The following AKAP6 variants were observed in gnomAD, a reference collection of about 807,000 sequenced individuals.
The protein encoded by AKAP6 is A-kinase anchor protein 6.
In AKAP6, 58 loss-of-function variants were observed where a neutral mutation model predicts 188.5. The observed-to-expected ratio is 0.31, with a 90% CI of 0.25 to 0.38. The LOEUF (loss-of-function observed/expected upper bound fraction) is 0.38, where lower values mean the gene tolerates loss of function less well. Among genes scored for constraint, AKAP6 ranks in the 10% least tolerant of loss-of-function variants. The probability of loss-of-function intolerance (pLI) is 1.00; values close to 1 mark genes in which losing one functional copy is unlikely to be tolerated. For synonymous variants in AKAP6, 989 were observed against 998.6 expected (o/e 0.99, Z 0.18); for missense variants, 2,710 against 2,740.0 (o/e 0.99, Z 0.24).
chr14:32,386,534 A>AT (rs904687450), intron 1 of AKAP6, among the ~76,000 whole-genome samples: 17 of 151,942 alleles, frequency 1.1e-4, no homozygotes, highest in Non-Finnish European at 1.6e-4. Context: ...GATTGTGAAG[A>AT]TTTTTTTCCC....
chr14:32,411,158 G>A (rs1247495578), intron 1 of AKAP6, among the ~76,000 whole-genome samples: 1 of 152,000 alleles, frequency 6.6e-6, no homozygotes, highest in African/African-American at 2.4e-5. Context: ...AATGAGTAGA[G>A]GCCACAGGTA....
chr14:32,744,050 T>A (rs561260185), intron 11 of AKAP6, among the ~76,000 whole-genome samples: 71 of 152,318 alleles, frequency 4.7e-4, no homozygotes, highest in African/African-American at 1.6e-3. Flanking sequence ...TTGCCAGATA[T>A]ACTATTCTAG....
intron 7 of AKAP6, among the ~76,000 whole-genome samples, chr14:32,601,823 A>G (rs1161545372): frequency 1.3e-5 from 2 of 152,204 alleles, no homozygotes; most frequent in East Asian, 1.9e-4. Context: ...AAATGCAGGC[A>G]GAGGAGAAAC....
intron 12 of AKAP6, among the ~76,000 whole-genome samples, chr14:32,791,620 TTTAA>T (rs1405818613): frequency 6.6e-6 from 1 of 152,336 alleles, no homozygotes; most frequent in African/African-American, 2.4e-5. Flanking sequence ...AGCTCTTTAC[TTTAA>T]TTAGACCCCA....
At chr14:32,453,745 C>T (rs1024646076) in intron 2 of AKAP6, among the ~76,000 whole-genome samples, 30 of 150,294 alleles carry the variant, frequency 2.0e-4, no homozygotes, top group African/African-American at 6.6e-4. Context: ...TACAGGCGCC[C>T]GCCACTGCGC....
chr14:32,668,663 G>A (rs960554230), intron 7 of AKAP6, among the ~76,000 whole-genome samples: 1 of 152,022 alleles, frequency 6.6e-6, no homozygotes, highest in Non-Finnish European at 1.5e-5. Flanking sequence ...TTTTGCAGTT[G>A]TCCTGACTTT....
chr14:32,798,150 A>G (rs1160140422), intron 12 of AKAP6, among the ~76,000 whole-genome samples: 2 of 151,840 alleles, frequency 1.3e-5, no homozygotes, highest in Non-Finnish European at 2.9e-5. Flanking sequence ...AAAGTGTTCA[A>G]TATCATTAAT....
At chr14:32,620,690 G>A (rs978221679) in intron 7 of AKAP6, among the ~76,000 whole-genome samples, 1 of 152,070 alleles carries the variant, frequency 6.6e-6, no homozygotes, top group African/African-American at 2.4e-5. Flanking sequence ...GAATGAGTTA[G>A]AGAGGATTCC....
intron 7 of AKAP6, among the ~76,000 whole-genome samples, chr14:32,613,631 G>T (rs1403423935): frequency 6.6e-6 from 1 of 152,126 alleles, no homozygotes; most frequent in Non-Finnish European, 1.5e-5. Context: ...TAGCATCAGT[G>T]ATAATGACTG....
intron 2 of AKAP6, among the ~76,000 whole-genome samples, chr14:32,440,961 G>C (rs1451886552): frequency 6.6e-6 from 1 of 152,008 alleles, no homozygotes; most frequent in Non-Finnish European, 1.5e-5. Context: ...AATAATAAGG[G>C]CTCTACCCTC....
At chr14:32,573,982 G>A (rs757783400) in intron 4 of AKAP6, among the ~76,000 whole-genome samples, 1 of 152,152 alleles carries the variant, frequency 6.6e-6, no homozygotes, top group Non-Finnish European at 1.5e-5. Context: ...ACAGATAGAG[G>A]GGGCTGAGTG....
intron 4 of AKAP6, among the ~76,000 whole-genome samples, chr14:32,547,241 T>C (rs2139159628): frequency 6.6e-6 from 1 of 152,354 alleles, no homozygotes; most frequent in Non-Finnish European, 1.5e-5. Flanking sequence ...GAATTCTTTG[T>C]TGAAATTGTT....
chr14:32,536,363 G>A (rs529510875), intron 3 of AKAP6, among the ~76,000 whole-genome samples: 2 of 152,290 alleles, frequency 1.3e-5, no homozygotes, highest in African/African-American at 4.8e-5. Flanking sequence ...TCTAGGCAGA[G>A]GACATGGCAT....
chr14:32,640,385 C>G (rs1201537942), intron 7 of AKAP6, among the ~76,000 whole-genome samples: 1 of 152,082 alleles, frequency 6.6e-6, no homozygotes, highest in Non-Finnish European at 1.5e-5. Flanking sequence ...TAAAATCACT[C>G]CAGAGCTTTG....
intron 11 of AKAP6, among the ~76,000 whole-genome samples, chr14:32,744,530 A>C (rs919351319): frequency 1.3e-5 from 2 of 152,010 alleles, no homozygotes; most frequent in Admixed American, 6.6e-5. Context: ...ACTAGCCAGG[A>C]TGGTCTCGAT....
At chr14:32,731,333 T>C (rs913757449) in intron 9 of AKAP6, among the ~76,000 whole-genome samples, 3 of 152,144 alleles carry the variant, frequency 2.0e-5, no homozygotes, top group Admixed American at 2.0e-4. Flanking sequence ...TTTGGGATCT[T>C]ATATAATATC....
intron 2 of AKAP6, among the ~76,000 whole-genome samples, chr14:32,470,048 T>C (rs1878687021): frequency 6.6e-6 from 1 of 152,166 alleles, no homozygotes; most frequent in Non-Finnish European, 1.5e-5. Context: ...TAATATAAAA[T>C]GATGTCATAT....
At chr14:32,339,884 G>A (rs1382339671) in intron 1 of AKAP6, among the ~76,000 whole-genome samples, 1 of 152,072 alleles carries the variant, frequency 6.6e-6, no homozygotes, top group Non-Finnish European at 1.5e-5. Context: ...AATCTTTGAA[G>A]TGGATATCTG....
At chr14:32,408,509 ATACAATT>A (rs200801264) in intron 1 of AKAP6, among the ~76,000 whole-genome samples, 6,640 of 148,114 alleles carry the variant, frequency 0.045, 225 homozygotes, top group East Asian at 0.12. Flanking sequence ...ATATATAATT[ATACAATT>A]TATAATATAT....
Sources: gnomAD v4.1 joint callset for allele counts (sites outside exome capture counted in the v4.1 genomes callset) on GRCh38, gnomAD v4.1.1 for gene constraint, MANE v1.5 for transcripts, NCBI Gene and HGNC (gene_info 2026-07-23, HGNC 2026-07-21) for gene names.